The following CMYA5 variants were observed in gnomAD, a reference collection of about 807,000 sequenced individuals.
CMYA5 encodes cardiomyopathy associated 5.
In CMYA5, 246 loss-of-function variants were observed where a neutral mutation model predicts 318.9. The ratio of observed to expected loss-of-function variants is 0.77; its 90% CI spans 0.70 to 0.86. The LOEUF is 0.86. Among genes scored for constraint, CMYA5 ranks in the 40% least tolerant of loss-of-function variants. The probability of loss-of-function intolerance (pLI) is 0.00; values close to 1 mark genes in which losing one functional copy is unlikely to be tolerated. For missense variants in CMYA5, 4,589 were observed against 4,678.2 expected (o/e 0.98, Z 0.56); for synonymous variants, 1,641 against 1,729.5 (o/e 0.95, Z 1.27).
intron 4 of CMYA5, 70 bp from the exon 5 acceptor site, chr5:79,747,021 A>C: frequency 1.1e-6 from 1 of 916,060 alleles, no homozygotes; most frequent in Non-Finnish European, 1.7e-6. Context: ...GTTGTTAATT[A>C]GCTTCTCTCT....
rs199938689 is a variant in CMYA5 at position 79,731,646 on chromosome 5, G to C, written c.2881G>C (p.Ala961Pro). Residue 961 changes from alanine (A) to proline (P), a missense_variant, in exon 2 of 13, where the codon GCA (alanine) becomes CCA (proline). Transcript: ENST00000446378. ...FVSEFSFPPY[A>P]TQEAEKREFE... ...GTCAGAATTCTCATTTCCACCGTAT[G>C]CAACCCAGGAAGCAGAGAAAAGAGA... 1.9e-6 allele frequency: 3 copies of C among 1,613,778 alleles called. No homozygotes were observed. Among genetic ancestry groups the C allele is most frequent in the Non-Finnish European group, 2.5e-6 (3 of 1,179,838 alleles).
At chr5:79,703,955 C>T (rs193183779) in intron 1 of CMYA5, among the ~76,000 whole-genome samples, 5 of 152,044 alleles carry the variant, frequency 3.3e-5, no homozygotes, top group Admixed American at 1.3e-4. Flanking sequence ...AGCTGGGCAT[C>T]GTGATGCGCA....
At chr5:79,770,954 CATA>C (rs1252322414) in intron 9 of CMYA5, among the ~76,000 whole-genome samples, 1 of 149,860 alleles carries the variant, frequency 6.7e-6, no homozygotes, top group East Asian at 2.0e-4. Flanking sequence ...GAAGCGTAAA[CATA>C]ATAAGTGTTC....
At position 79,761,882 on chromosome 5, in the gene CMYA5, T is replaced by A. The variant is rs748006788; in HGVS notation, c.11332T>A (p.Cys3778Ser). ...CIFEDLEPDR[C>S]YQVWVMAVNF... ...TTTTGAAGATCTGGAACCTGACCGA[T>A]GCTATCAAGTGTGGGTGATGGCTGT... The change falls in exon 8 of 13, where the codon TGC becomes AGC. Residue 3778 changes from cysteine to serine, a missense_variant. Physicochemically the swap from Cys to Ser is moderately radical, Grantham distance 112. Around this residue, in one of 3 missense-constraint regions of CMYA5, gnomAD observed 2,431 missense variants for 2,495.1 expected, o/e 0.97. Coordinates refer to ENST00000446378, the MANE Select transcript of CMYA5 (RefSeq NM_153610.5). 1 of 1,613,838 alleles carries A rather than the reference T, an allele frequency of 6.2e-7. No individual in the cohort carries two copies. The highest frequency in any genetic ancestry group is 1.1e-5 in the South Asian group (1 of 90,980).
At chr5:79,745,676 G>A (rs2115127) in intron 4 of CMYA5, among the ~76,000 whole-genome samples, 9,124 of 152,266 alleles carry the variant, frequency 0.06, 437 homozygotes, top group East Asian at 0.25. Flanking sequence ...AGATACAGCT[G>A]AAAGAGACAG....
At position 79,737,241 on chromosome 5, in the gene CMYA5, C is replaced by G. The variant is rs771497389; in HGVS notation, c.8476C>G (p.Pro2826Ala). 1.9e-6 allele frequency: 3 copies of G among 1,613,670 alleles called. No individual in the cohort carries two copies. The highest frequency in any genetic ancestry group is 2.2e-5 in the South Asian group (2 of 91,062). The part of the protein sequence containing the change: ...KPQTLASGAS[P>A]EINAVKKKEM... ...ACAAACTCTTGCTTCAGGAGCTTCT[C>G]CAGAAATTAACGCAGTGAAGAAAAA... Residue 2826 changes from proline to alanine, a missense_variant, in exon 2 of 13, where the codon CCA (proline) becomes GCA (alanine). By Grantham distance (27) the Pro-to-Ala change is conservative (BLOSUM62 -1). This residue lies in a region of CMYA5 where 2,431 missense variants were observed against 2,495.1 expected (regional missense o/e 0.97). Transcript: ENST00000446378.
At position 79,733,196 on chromosome 5, in the gene CMYA5, A is replaced by T; in HGVS notation, c.4431A>T (p.Thr1477=). Residue 1477 remains threonine (T), a synonymous_variant, in exon 2 of 13, where the codon ACA becomes ACT. Transcript: ENST00000446378. ...AAGCTGGGTTGCCAGTAATCAAAAC[A>T]TCATCTTCTCAGCATTCAGATAAAT... ...EVKAGLPVIK[T]SSSQHSDKSE... The T allele has an allele frequency of 6.2e-7, 1 of 1,613,764 alleles. No individual in the cohort carries two copies.
rs1827546985 is a variant in CMYA5 at position 79,717,737 on chromosome 5, A to G, written c.150-11178A>G. On this transcript the variant is annotated intron_variant, in intron 1 of 12. Coordinates refer to ENST00000446378, the MANE Select transcript of CMYA5 (RefSeq NM_153610.5). ...AGGATCCTTATTCTTTCCATCCACA[A>G]TGATGTTGAATGGCCTTTAGTATAT... 2.0e-5 allele frequency among the ~76,000 whole-genome samples: 3 copies of G among 152,272 alleles called. No individual in the cohort carries two copies. The East Asian group carries it at 5.8e-4, about 29-fold the overall frequency.
chr5:79,799,945 T>A lies in CMYA5; in HGVS notation c.*329T>A, dbSNP rs1829345015. The A allele has an allele frequency of 4.9e-6, 1 of 205,210 alleles. No individual in the cohort carries two copies. The highest frequency in any genetic ancestry group is 2.3e-5 in the African/African-American group (1 of 42,910). 12.7% of individuals were successfully genotyped at this position (205,210 alleles called of 1,614,324 possible). A position where few individuals can be genotyped will look rare whatever the true frequency, so the allele number is the denominator to read the frequency against. On this transcript the variant is annotated 3_prime_UTR_variant, in exon 13 of 13. Transcript: ENST00000446378. ...TCTGTTTTACTGGTAAAGGAAATCC[T>A]CTGATGGACAGGTCAGAGTGAAGGA...
At chr5:79,725,880 G>A (rs1292428705) in intron 1 of CMYA5, among the ~76,000 whole-genome samples, 1 of 152,098 alleles carries the variant, frequency 6.6e-6, no homozygotes, top group Admixed American at 6.5e-5. Context: ...CTCCAGCCTG[G>A]GCAACAGAGC....
At position 79,743,414 on chromosome 5, in the gene CMYA5, A is replaced by T. The variant is rs948487199; in HGVS notation, c.10639-413A>T. ...GATCACCTTCTCAGGCCATTAGTAT[A>T]AATGTGAAGAAATTACTCAGGTATA... On this transcript the variant is annotated intron_variant, in intron 2 of 12. Transcript: ENST00000446378. Among the ~76,000 whole-genome samples, 22 of 152,206 alleles carry T rather than the reference A, an allele frequency of 1.4e-4. 1 individual carries two copies. Among genetic ancestry groups the T allele is most frequent in the Admixed American group, 1.4e-3 (21 of 15,282 alleles).
chr5:79,768,808 G>C (rs930922131), intron 9 of CMYA5, among the ~76,000 whole-genome samples: 1 of 152,070 alleles, frequency 6.6e-6, no homozygotes. Flanking sequence ...CTTTGTGGTG[G>C]TCTCTGTGTT....
At chr5:79,718,677 A>G (rs1827565418) in intron 1 of CMYA5, among the ~76,000 whole-genome samples, 1 of 152,220 alleles carries the variant, frequency 6.6e-6, no homozygotes, top group Non-Finnish European at 1.5e-5. Flanking sequence ...TAGAATACAA[A>G]TCTTGAGCTC....
In CMYA5 at chr5:79,761,860, T is replaced by G; in HGVS notation, c.11310T>G (p.Phe3770Leu). 1 of 1,613,766 alleles carries G rather than the reference T, an allele frequency of 6.2e-7. No individual in the cohort carries two copies. Among genetic ancestry groups the G allele is most frequent in the Non-Finnish European group, 8.5e-7 (1 of 1,179,816 alleles). ...RLTVKESYCI[F>L]EDLEPDRCYQ... ...CAGTGAAAGAAAGCTACTGCATTTT[T>G]GAAGATCTGGAACCTGACCGATGCT... The change falls in exon 8 of 13, where the codon TTT becomes TTG. Residue 3770 changes from phenylalanine (F) to leucine (L), a missense_variant. Phe to Leu is a conservative substitution (Grantham distance 22). Around this residue, in one of 3 missense-constraint regions of CMYA5, gnomAD observed 2,431 missense variants for 2,495.1 expected, o/e 0.97. Transcript: ENST00000446378.
chr5:79,762,547 A>G (rs746247217), intron 8 of CMYA5: 2 of 153,546 alleles, frequency 1.3e-5, no homozygotes, highest in Non-Finnish European at 2.9e-5. Flanking sequence ...AAGCAGTGGT[A>G]TTTAACTGGA....
In CMYA5 at chr5:79,784,889, A is replaced by T. The variant is rs190031629; in HGVS notation, c.11556-4082A>T. ...AAATCACCCGTCTTCTGCGTCGCTCACGCTGGGAGCTGTAGACCGGAGCTG... is the reference window on the plus strand; with the variant it reads ...AAATCACCCGTCTTCTGCGTCGCTCTCGCTGGGAGCTGTAGACCGGAGCTG... On this transcript the variant is annotated intron_variant, in intron 9 of 12. Coordinates refer to ENST00000446378, the MANE Select transcript of CMYA5 (RefSeq NM_153610.5). 8.5e-3 allele frequency among the ~76,000 whole-genome samples: 1,287 copies of T among 151,500 alleles called. 7 individuals carry two copies. Among genetic ancestry groups the T allele is most frequent in the East Asian group, 0.017 (86 of 5,108 alleles).
chr5:79,762,248 A>G, intron 8 of CMYA5: 1 of 290,194 alleles, frequency 3.4e-6, no homozygotes, highest in East Asian at 5.9e-5. Context: ...GGCCTGGGGC[A>G]GGGGCAGGAT....
chr5:79,699,531 T>G (rs147952360), intron 1 of CMYA5, among the ~76,000 whole-genome samples: 4 of 152,310 alleles, frequency 2.6e-5, no homozygotes, highest in Middle Eastern at 3.4e-3. Context: ...TCTAGGTTAC[T>G]TTCCTGAGAG....
chr5:79,761,853 G>T lies in CMYA5; in HGVS notation c.11303G>T (p.Cys3768Phe), dbSNP rs1441935208. Residue 3768 changes from cysteine to phenylalanine, a missense_variant, in exon 8 of 13, where the codon TGC (cysteine) becomes TTC (phenylalanine). Physicochemically the swap from Cys to Phe is radical, Grantham distance 205. This residue lies in a region of CMYA5 where 2,431 missense variants were observed against 2,495.1 expected (regional missense o/e 0.97). Transcript: ENST00000446378. ...AGACTGACAGTGAAAGAAAGCTACT[G>T]CATTTTTGAAGATCTGGAACCTGAC... ...EYRLTVKESY[C>F]IFEDLEPDRC... 1 of 1,613,636 alleles carries T rather than the reference G, an allele frequency of 6.2e-7. No individual in the cohort carries two copies. The highest frequency in any genetic ancestry group is 1.1e-5 in the South Asian group (1 of 90,948).
Sources: allele counts gnomAD v4.1 joint callset (sites outside exome capture counted in the v4.1 genomes callset), GRCh38; gene constraint gnomAD v4.1.1; regional missense constraint gnomAD v4.1.1; transcripts MANE v1.5; gene names NCBI Gene and HGNC (gene_info 2026-07-23, HGNC 2026-07-21).